Variants in PFKFB1 observed in about 807,000 individuals in gnomAD.
The protein encoded by PFKFB1 is 6-phosphofructo-2-kinase/fructose-2,6-biphosphatase 1, also known as 6-phosphofructo-2-kinase/fructose-2,6-bisphosphatase 1.
A neutral mutation model predicts 46.4 loss-of-function variants in PFKFB1; 34 were observed. The observed-to-expected ratio is 0.73, with a 90% CI of 0.56 to 0.98. PFKFB1 has a LOEUF of 0.98. Among genes scored for constraint, PFKFB1 ranks in the 50% least tolerant of loss-of-function variants. The probability of loss-of-function intolerance (pLI) is 0.00; values close to 1 mark genes in which losing one functional copy is unlikely to be tolerated. For missense variants in PFKFB1, 393 were observed against 376.3 expected (o/e 1.04, Z -0.37); for synonymous variants, 119 against 133.8 (o/e 0.89, Z 0.76).
chrX:54,962,732 C>A (rs1196186650), intron 2 of PFKFB1, among the ~76,000 whole-genome samples: 2 of 111,652 alleles, frequency 1.8e-5, no homozygotes, highest in Non-Finnish European at 1.9e-5. Context: ...ACATGGGATT[C>A]TTTTCTCTTC....
At chrX:54,939,995 A>C (rs1933560309) in intron 10 of PFKFB1, among the ~76,000 whole-genome samples, 1 of 112,065 alleles carries the variant, frequency 8.9e-6, no homozygotes, top group South Asian at 3.7e-4. Flanking sequence ...ATGCTCAATA[A>C]AATACTGGCA....
chrX:54,976,775 T>C (rs1449849833), intron 1 of PFKFB1, among the ~76,000 whole-genome samples: 1 of 111,394 alleles, frequency 9.0e-6, no homozygotes, highest in African/African-American at 3.3e-5. Flanking sequence ...AAACAAATTG[T>C]GGTACAATCA....
chrX:54,960,893 C>T lies in PFKFB1; in HGVS notation c.248G>A (p.Arg83Gln), dbSNP rs1464583656. The T allele has an allele frequency of 6.7e-6, 8 of 1,187,672 alleles. No individual in the cohort carries two copies. The highest frequency in any genetic ancestry group is 1.8e-5 in the South Asian group (1 of 56,329). The change falls in exon 3 of 14, where the codon CGA becomes CAA. Residue 83 changes from arginine to glutamine, a missense_variant. Transcript: ENST00000375006. ...TKVFNLGQYR[R>Q]EAVSYKNYEF... ...ATAGTTCTTGTAGCTCACTGCCTCT[C>T]GTCGATACTGGCCTAAATTAAACAC...
At chrX:54,961,037 T>C (rs1174686781) in intron 2 of PFKFB1, 120 bp from the exon 3 acceptor site, 5 of 389,484 alleles carry the variant, frequency 1.3e-5, no homozygotes, top group Non-Finnish European at 2.3e-5. Context: ...AAATGTGCTT[T>C]TAAAACTTCA....
At chrX:54,956,399 G>A (rs1934142352) in intron 6 of PFKFB1, 125 bp from the exon 7 acceptor site, 3 of 823,530 alleles carry the variant, frequency 3.6e-6, no homozygotes, top group Non-Finnish European at 5.1e-6. Flanking sequence ...ATTGAGACCT[G>A]GAGAACACAT....
intron 4 of PFKFB1, among the ~76,000 whole-genome samples, chrX:54,959,349 T>G (rs1174077449): frequency 9.0e-6 from 1 of 111,604 alleles, no homozygotes; most frequent in Non-Finnish European, 1.9e-5. Flanking sequence ...TTCCCTAACC[T>G]CAGCACCTGA....
rs1292621025 is a variant in PFKFB1, at chrX:54,960,862, G to A, written c.279C>T (p.Phe93=). The A allele has an allele frequency of 8.4e-7, 1 of 1,195,053 alleles. No individual in the cohort carries two copies. The highest frequency in any genetic ancestry group is 2.2e-5 in the Admixed American group (1 of 45,596). The change falls in exon 3 of 14, where the codon TTC becomes TTT. Residue 93 remains phenylalanine (F), a synonymous_variant. Transcript: ENST00000375006. Reference sequence around the variant, plus strand: ...GGGCTTCCATGTTGTCTGGAAGAAAGAATTCATAGTTCTTGTAGCTCACTG... The same window carrying A: ...GGGCTTCCATGTTGTCTGGAAGAAAAAATTCATAGTTCTTGTAGCTCACTG... ...REAVSYKNYE[F]FLPDNMEALQ... is the part of the protein sequence containing the mutation.
intron 1 of PFKFB1, among the ~76,000 whole-genome samples, chrX:54,991,689 G>A (rs1395037592): frequency 1.8e-5 from 2 of 110,096 alleles, no homozygotes; most frequent in Non-Finnish European, 3.8e-5. Flanking sequence ...GCTCTACCAG[G>A]ATAAAGGTAC....
intron 1 of PFKFB1, among the ~76,000 whole-genome samples, chrX:54,980,734 C>A (rs1934963072): frequency 9.2e-6 from 1 of 108,933 alleles, no homozygotes; most frequent in South Asian, 4.0e-4. Context: ...CACACACACA[C>A]ACACACACAC....
chrX:54,991,297 T>G (rs963608454), intron 1 of PFKFB1, among the ~76,000 whole-genome samples: 2 of 111,749 alleles, frequency 1.8e-5, no homozygotes, highest in Non-Finnish European at 3.8e-5. Flanking sequence ...AGGTACTGTT[T>G]AAGATAGCAA....
chrX:54,992,897 TTC>T (rs937221565), intron 1 of PFKFB1, among the ~76,000 whole-genome samples: 9 of 111,581 alleles, frequency 8.1e-5, no homozygotes, highest in South Asian at 3.8e-4. Flanking sequence ...CTAGTCTTTT[TTC>T]TCTCTCTTCC....
intron 10 of PFKFB1, among the ~76,000 whole-genome samples, chrX:54,937,926 G>T (rs1933460047): frequency 8.9e-6 from 1 of 111,839 alleles, no homozygotes; most frequent in Admixed American, 9.5e-5. Flanking sequence ...CAATATAGTG[G>T]ACCAAATAAA....
intron 11 of PFKFB1, among the ~76,000 whole-genome samples, chrX:54,937,209 CA>C (rs1277036436): frequency 8.9e-6 from 1 of 111,775 alleles, no homozygotes; most frequent in Non-Finnish European, 1.9e-5. Flanking sequence ...TAGCATGCTT[CA>C]CAGAAATACT....
chrX:54,949,393 T>C (rs1240717278), intron 8 of PFKFB1, among the ~76,000 whole-genome samples, 172 bp from the exon 9 acceptor site: 7 of 104,656 alleles, frequency 6.7e-5, no homozygotes, highest in African/African-American at 2.5e-4. Context: ...TCCAATGTGA[T>C]GGTGGGCCAA....
intron 1 of PFKFB1, among the ~76,000 whole-genome samples, chrX:54,985,670 C>T (rs1935095066): frequency 9.1e-6 from 1 of 110,214 alleles, no homozygotes; most frequent in South Asian, 3.7e-4. Flanking sequence ...TTCCTTAAAA[C>T]ATAAAATTAT....
intron 9 of PFKFB1, among the ~76,000 whole-genome samples, chrX:54,946,871 A>G (rs1248072128): frequency 8.9e-6 from 1 of 112,409 alleles, no homozygotes; most frequent in African/African-American, 3.2e-5. Context: ...AGACTCAATC[A>G]TTAGAATGAA....
At chrX:54,937,438 A>C (rs970431726) in intron 11 of PFKFB1, among the ~76,000 whole-genome samples, 157 bp downstream of exon 11, 3 of 112,421 alleles carry the variant, frequency 2.7e-5, no homozygotes, top group Non-Finnish European at 5.6e-5. Context: ...AATTTGTGAA[A>C]GGCAGTACAG....
chrX:54,934,258 G>A (rs1933315077), intron 12 of PFKFB1, among the ~76,000 whole-genome samples: 3 of 112,272 alleles, frequency 2.7e-5, no homozygotes, highest in Middle Eastern at 4.6e-3. Context: ...CCTCCAAGCC[G>A]TGTTAGGTGG....
intron 1 of PFKFB1, among the ~76,000 whole-genome samples, chrX:54,985,894 AAT>A (rs1935101704): frequency 9.0e-6 from 1 of 110,963 alleles, no homozygotes; most frequent in Admixed American, 9.6e-5. Flanking sequence ...ATACCTAAAA[AAT>A]ATATAATAAA....
Sources: allele counts gnomAD v4.1 joint callset (sites outside exome capture counted in the v4.1 genomes callset), GRCh38; gene constraint gnomAD v4.1.1; transcripts MANE v1.5; gene names NCBI Gene and HGNC (gene_info 2026-07-23, HGNC 2026-07-21).